The following SLC67A1 variants were observed in gnomAD, a reference collection of about 807,000 sequenced individuals.
SLC67A1 encodes solute carrier family 67 member A1.
the SLC67A1 span, chr11:2,919,216 C>G: frequency 5.6e-6 from 5 of 897,704 alleles, no homozygotes; most frequent in Non-Finnish European, 7.4e-6. Context: ...GCCCAGACAC[C>G]CTGATTGGCC....
At chr11:2,906,325 TCTAGAA>T in the SLC67A1 span, among the ~76,000 whole-genome samples, 24 of 152,166 alleles carry the variant, frequency 1.6e-4, no homozygotes, top group Admixed American at 1.6e-3. Context: ...TCTTCAAGGA[TCTAGAA>T]CTAGAAATAC....
the SLC67A1 span, chr11:2,915,048 G>A: frequency 5.1e-6 from 5 of 985,428 alleles, no homozygotes; most frequent in Non-Finnish European, 6.0e-6. Context: ...TGCTGCAGGA[G>A]TCGGAGCTGC....
At chr11:2,914,929 G>T in the SLC67A1 span, 1 of 985,380 alleles carries the variant, frequency 1.0e-6, no homozygotes. Context: ...AAGCTGTGGC[G>T]CCCGAGCCCA....
At chr11:2,909,678 C>A in the SLC67A1 span, 1 of 1,542,856 alleles carries the variant, frequency 6.5e-7, no homozygotes, top group East Asian at 2.4e-5. Flanking sequence ...TCCTCGGCTC[C>A]CTGCTGGGCG....
the SLC67A1 span, chr11:2,909,233 C>T: frequency 2.6e-6 from 4 of 1,539,352 alleles, no homozygotes; most frequent in African/African-American, 4.1e-5. Flanking sequence ...GGCGCTCACG[C>T]TCTCCTTCCT....
the SLC67A1 span, among the ~76,000 whole-genome samples, chr11:2,914,007 GA>G: frequency 8.1e-6 from 1 of 123,842 alleles, no homozygotes; most frequent in Non-Finnish European, 1.8e-5. Context: ...AGGGGCCCCA[GA>G]ACAGTGGAGT....
the SLC67A1 span, among the ~76,000 whole-genome samples, chr11:2,912,185 T>C: frequency 6.6e-6 from 1 of 151,962 alleles, no homozygotes; most frequent in South Asian, 2.1e-4. Context: ...CTGCCCAGAG[T>C]GGTGGTGGCA....
the SLC67A1 span, chr11:2,921,959 G>A: frequency 1.4e-6 from 1 of 693,348 alleles, no homozygotes; most frequent in South Asian, 1.6e-5. Flanking sequence ...GGGGCTTGCA[G>A]ATGCTGAGGG....
At chr11:2,923,942 A>C in the SLC67A1 span, among the ~76,000 whole-genome samples, 9 of 152,180 alleles carry the variant, frequency 5.9e-5, no homozygotes, top group Non-Finnish European at 1.3e-4. This position sits in a 1 kb window ranked among gnomAD's most constrained non-coding sequence, Gnocchi z 6.5. Context: ...CCCTGAGCCC[A>C]GGTGGGGCCT....
chr11:2,909,656 G>C, the SLC67A1 span: 3 of 1,538,890 alleles, frequency 1.9e-6, no homozygotes, highest in South Asian at 2.4e-5. Flanking sequence ...CTCTGCTTCG[G>C]CGTCGGAGTC....
chr11:2,915,291 G>GTA, the SLC67A1 span: 24 of 953,998 alleles, frequency 2.5e-5, no homozygotes, highest in Non-Finnish European at 3.0e-5. Flanking sequence ...GTGTGTGTGT[G>GTA]TGTGTGCGCA....
At chr11:2,908,293 G>A in the SLC67A1 span, 19 of 1,613,834 alleles carry the variant, frequency 1.2e-5, no homozygotes, top group South Asian at 4.4e-5. Flanking sequence ...AACCACCTTC[G>A]GGGTGCTGCA....
At chr11:2,909,985 G>A in the SLC67A1 span, among the ~76,000 whole-genome samples, 1 of 152,198 alleles carries the variant, frequency 6.6e-6, no homozygotes, top group African/African-American at 2.4e-5. Flanking sequence ...GGACGCTGGG[G>A]AAACTGAGGC....
chr11:2,915,021 A>G, the SLC67A1 span: 1 of 985,440 alleles, frequency 1.0e-6, no homozygotes, highest in Non-Finnish European at 1.2e-6. Flanking sequence ...TGAGTAGCTG[A>G]CGTCCTGGGC....
the SLC67A1 span, among the ~76,000 whole-genome samples, chr11:2,905,759 A>G: frequency 2.2e-4 from 33 of 152,358 alleles, no homozygotes; most frequent in African/African-American, 7.2e-4. Context: ...TCCGCCCTCA[A>G]ATATGTGGGA....
chr11:2,908,548 CAG>C, the SLC67A1 span, among the ~76,000 whole-genome samples: 1 of 152,212 alleles, frequency 6.6e-6, no homozygotes. Context: ...TGCCTGTGGC[CAG>C]AGAGAGAGTG....
chr11:2,916,776 G>C, the SLC67A1 span: 2 of 1,583,258 alleles, frequency 1.3e-6, no homozygotes, highest in African/African-American at 2.7e-5. Flanking sequence ...CCAGATGCTG[G>C]GGCAATGGAA....
At chr11:2,899,765 C>G in the SLC67A1 span, 1 of 1,425,552 alleles carries the variant, frequency 7.0e-7, no homozygotes, top group Non-Finnish European at 9.2e-7. Flanking sequence ...CAACCAGTTC[C>G]CTGGCTACCT....
chr11:2,916,858 C>T, the SLC67A1 span: 1 of 812,344 alleles, frequency 1.2e-6, no homozygotes, highest in Non-Finnish European at 2.1e-6. Context: ...GGGCTACTCA[C>T]ACCCTCCTGC....
Sources: gnomAD v4.1 joint callset for allele counts (sites outside exome capture counted in the v4.1 genomes callset) on GRCh38, gnomAD v4.1.1 for gene constraint, Gnocchi (gnomAD v3.1) non-coding constraint, MANE v1.5 for transcripts, NCBI Gene and HGNC (gene_info 2026-07-23, HGNC 2026-07-21) for gene names.